CTIF: variants seen among roughly 807,000 people sequenced by gnomAD.
CTIF encodes cap binding complex dependent translation initiation factor.
In CTIF, 21 loss-of-function variants were observed where a neutral mutation model predicts 66.0. The observed-to-expected ratio is 0.32, with a 90% CI of 0.23 to 0.46. The LOEUF (loss-of-function observed/expected upper bound fraction) is 0.46, where lower values mean the gene tolerates loss of function less well. CTIF is among the 20% of genes least tolerant of loss of function. The pLI is 1.00. For synonymous variants in CTIF, 345 were observed against 326.4 expected, an observed-to-expected ratio of 1.06 and a Z score of -0.62; for missense variants, 739 against 812.7, an observed-to-expected ratio of 0.91 and a Z score of 1.10.
chr18:48,816,862 A>C (rs1167948219), intron 9 of CTIF, among the ~76,000 whole-genome samples: 1 of 152,206 alleles, frequency 6.6e-6, no homozygotes, highest in Non-Finnish European at 1.5e-5. Flanking sequence ...GTTTAGCCAC[A>C]GGGAGTTAAG....
chr18:48,862,971 A>C lies in CTIF; in HGVS notation c.*3412A>C, dbSNP rs2069510453. 1 of 152,406 alleles carries C rather than the reference A, an allele frequency of 6.6e-6. No individual in the cohort carries two copies. Among genetic ancestry groups the C allele is most frequent in the Non-Finnish European group, 1.5e-5 (1 of 68,082 alleles). 9.4% of individuals were successfully genotyped at this position (152,406 alleles called of 1,614,324 possible). A position where few individuals can be genotyped will look rare whatever the true frequency, so the allele number is the denominator to read the frequency against. On this transcript the variant is annotated 3_prime_UTR_variant, in exon 12 of 12. Transcript: ENST00000256413. ...GGCTGGGCCTTTGAGGACACAGATCAGAAGAAAGAAAGACAACTTTCCTCT... is the reference window on the plus strand; with the variant it reads ...GGCTGGGCCTTTGAGGACACAGATCCGAAGAAAGAAAGACAACTTTCCTCT...
intron 6 of CTIF, among the ~76,000 whole-genome samples, chr18:48,686,466 A>G (rs1018215893): frequency 2.0e-5 from 3 of 152,138 alleles, no homozygotes; most frequent in Admixed American, 2.0e-4. Context: ...GAGCCCTGGT[A>G]CCTTTTAATG....
intron 6 of CTIF, among the ~76,000 whole-genome samples, chr18:48,674,900 G>T (rs568739641): frequency 1.4e-3 from 212 of 152,346 alleles, no homozygotes; most frequent in Non-Finnish European, 2.4e-3. Context: ...GTGGCTGGAG[G>T]GAAAGGAGCA....
chr18:48,722,243 C>G (rs2092345387), intron 7 of CTIF, among the ~76,000 whole-genome samples: 1 of 126,482 alleles, frequency 7.9e-6, no homozygotes, highest in East Asian at 2.5e-4. Context: ...GAGACAGGAT[C>G]TCACTCTGTT....
At chr18:48,652,928 GC>G (rs1249020503) in intron 3 of CTIF, among the ~76,000 whole-genome samples, 10 of 152,088 alleles carry the variant, frequency 6.6e-5, no homozygotes, top group Non-Finnish European at 1.2e-4. Context: ...AAATTCAACA[GC>G]CCTTCATGCT....
intron 1 of CTIF, among the ~76,000 whole-genome samples, chr18:48,589,153 C>T (rs960469345): frequency 6.6e-6 from 1 of 152,154 alleles, no homozygotes; most frequent in Non-Finnish European, 1.5e-5. Context: ...GGACTATTGT[C>T]ACGAATTATC....
chr18:48,658,731 T>C (rs536128271), intron 3 of CTIF, among the ~76,000 whole-genome samples: 1 of 152,268 alleles, frequency 6.6e-6, no homozygotes, highest in East Asian at 1.9e-4. Context: ...TGTACATGTA[T>C]GCATATGCGG....
intron 6 of CTIF, among the ~76,000 whole-genome samples, chr18:48,697,571 G>A (rs2092025043): frequency 1.3e-5 from 2 of 152,182 alleles, no homozygotes; most frequent in Admixed American, 1.3e-4. Flanking sequence ...ACAGGGAAAG[G>A]GAGGCCCAGA....
intron 6 of CTIF, among the ~76,000 whole-genome samples, chr18:48,674,576 A>AAGGCCC (rs2091594648): frequency 6.6e-6 from 1 of 152,238 alleles, no homozygotes; most frequent in Non-Finnish European, 1.5e-5. Context: ...AGCCAAAGCC[A>AAGGCCC]AGGCCCCTAT....
At chr18:48,841,889 C>G (rs1229861918) in intron 10 of CTIF, among the ~76,000 whole-genome samples, 2 of 152,160 alleles carry the variant, frequency 1.3e-5, no homozygotes, top group African/African-American at 4.8e-5. Context: ...ACGCCCTTAT[C>G]TCCTTTCCTG....
At chr18:48,769,234 A>G (rs1909874834) in intron 9 of CTIF, among the ~76,000 whole-genome samples, 1 of 152,248 alleles carries the variant, frequency 6.6e-6, no homozygotes, top group Non-Finnish European at 1.5e-5. Flanking sequence ...ACACCCAGGG[A>G]TAGAAGCACA....
chr18:48,841,373 A>G (rs1480705463), intron 10 of CTIF, among the ~76,000 whole-genome samples: 1 of 152,194 alleles, frequency 6.6e-6, no homozygotes, highest in Non-Finnish European at 1.5e-5. Flanking sequence ...CCTCTGGGAC[A>G]GCAGAGAACT....
At chr18:48,579,261 C>G (rs943778631) in intron 1 of CTIF, among the ~76,000 whole-genome samples, 3 of 152,118 alleles carry the variant, frequency 2.0e-5, no homozygotes, top group African/African-American at 7.2e-5. Flanking sequence ...ATTCTCCTGC[C>G]TGAGCCTCCT....
chr18:48,612,040 C>T (rs117587251), intron 1 of CTIF, among the ~76,000 whole-genome samples: 22 of 152,300 alleles, frequency 1.4e-4, no homozygotes, highest in African/African-American at 2.6e-4. Flanking sequence ...CACATGCCTT[C>T]GACTTCATGC....
chr18:48,712,481 G>A (rs2092236253), intron 7 of CTIF, among the ~76,000 whole-genome samples: 1 of 152,160 alleles, frequency 6.6e-6, no homozygotes. Flanking sequence ...TGCAAAAGGG[G>A]GAGTTAGAGT....
At chr18:48,663,616 C>CTGGG in intron 3 of CTIF, 136 bp from the exon 4 acceptor site, 1 of 760,760 alleles carries the variant, frequency 1.3e-6, no homozygotes, top group South Asian at 1.6e-5. Context: ...AGTCCCCTGA[C>CTGGG]TCTGACTGGG....
chr18:48,818,298 T>A (rs527732245), intron 10 of CTIF, among the ~76,000 whole-genome samples: 2 of 152,326 alleles, frequency 1.3e-5, no homozygotes, highest in Admixed American at 6.5e-5. Context: ...AAGAGCACGT[T>A]TAGGCTCTAG....
chr18:48,734,563 C>G (rs2092483324), intron 7 of CTIF, among the ~76,000 whole-genome samples: 1 of 152,340 alleles, frequency 6.6e-6, no homozygotes, highest in East Asian at 1.9e-4. Context: ...GAGTGAGACT[C>G]TGTCTCAAAA....
chr18:48,673,482 G>A lies in CTIF; in HGVS notation c.507+2738G>A, dbSNP rs140188040. On this transcript the variant is annotated intron_variant, in intron 6 of 11. Transcript: ENST00000256413. ...GATTTTTCCATCGTCTCCTGTATTA[G>A]GACACTATAGGCCATGGCATAATAC... is the stretch of plus-strand genomic sequence containing the variant. 24 of 152,234 alleles carry A rather than the reference G, an allele frequency of 1.6e-4. No individual in the cohort carries two copies. The East Asian group carries it at 4.6e-3, about 29-fold the overall frequency. 9.4% of individuals were successfully genotyped at this position (152,234 alleles called of 1,614,324 possible). A position where few individuals can be genotyped will look rare whatever the true frequency, so the allele number is the denominator to read the frequency against.
Sources: gnomAD v4.1 joint callset for allele counts (sites outside exome capture counted in the v4.1 genomes callset) on GRCh38, gnomAD v4.1.1 for gene constraint, MANE v1.5 for transcripts, NCBI Gene and HGNC (gene_info 2026-07-23, HGNC 2026-07-21) for gene names.